Variants in DCDC1 observed in about 807,000 individuals in gnomAD.
DCDC1 encodes doublecortin domain containing 1, also known as doublecortin domain-containing protein 1.
In DCDC1, 200 loss-of-function variants were observed where a neutral mutation model predicts 178.3. That is an observed-to-expected ratio of 1.12 (90% CI 1.00 to 1.26). The LOEUF (loss-of-function observed/expected upper bound fraction) is 1.26. Among genes scored for constraint, DCDC1 ranks in the 50% most tolerant of loss-of-function variants. The probability of loss-of-function intolerance (pLI) is 0.00; values close to 1 mark genes in which losing one functional copy is unlikely to be tolerated. For synonymous variants in DCDC1, 690 were observed against 604.8 expected (o/e 1.14, Z -2.07); for missense variants, 1,983 against 1,749.2 (o/e 1.13, Z -2.38).
intron 20 of DCDC1, among the ~76,000 whole-genome samples, chr11:31,037,567 G>A (rs1284235018): frequency 6.6e-6 from 1 of 151,836 alleles, no homozygotes; most frequent in Admixed American, 6.6e-5. Context: ...CAGTAGCTGG[G>A]ACTACAGGTG....
At chr11:30,921,404 G>A (rs1344597405) in intron 24 of DCDC1, among the ~76,000 whole-genome samples, 4 of 151,910 alleles carry the variant, frequency 2.6e-5, no homozygotes, top group Non-Finnish European at 5.9e-5. Flanking sequence ...CTGGTTCCTG[G>A]AGAAAACTTA....
At chr11:31,225,025 A>C (rs1395148266) in intron 9 of DCDC1, among the ~76,000 whole-genome samples, 1 of 152,076 alleles carries the variant, frequency 6.6e-6, no homozygotes, top group Non-Finnish European at 1.5e-5. Flanking sequence ...ACCAAAAAGG[A>C]AAAGAAGTCA....
chr11:31,143,657 G>A lies in DCDC1; in HGVS notation c.1222-5873C>T, dbSNP rs528109139. Among the ~76,000 whole-genome samples the A allele has an allele frequency of 5.3e-5, 8 of 152,290 alleles. No individual in the cohort carries two copies. In the South Asian group the frequency reaches 1.7e-3, roughly 32 times the overall value. Reference sequence around the variant, plus strand: ...CCTCAAGCTATACATGCTTAACTCAGTAGCAATCTTAGAGATGCCTTAACT... The same window carrying A: ...CCTCAAGCTATACATGCTTAACTCAATAGCAATCTTAGAGATGCCTTAACT... On this transcript the variant is annotated intron_variant, in intron 9 of 38. Transcript: ENST00000684477.
intron 11 of DCDC1, among the ~76,000 whole-genome samples, chr11:31,121,699 T>G (rs1203135285): frequency 1.3e-5 from 2 of 151,832 alleles, no homozygotes; most frequent in Admixed American, 1.3e-4. Context: ...AGACCACTGC[T>G]CTACAAGATG....
At chr11:30,970,247 T>C (rs915058855) in intron 20 of DCDC1, among the ~76,000 whole-genome samples, 5 of 152,244 alleles carry the variant, frequency 3.3e-5, no homozygotes, top group East Asian at 1.9e-4. Context: ...CACAACAGCA[T>C]TGCTTCAGAG....
At chr11:30,970,738 G>C (rs1022046412) in intron 20 of DCDC1, among the ~76,000 whole-genome samples, 3 of 152,204 alleles carry the variant, frequency 2.0e-5, no homozygotes, top group African/African-American at 4.8e-5. Flanking sequence ...CCCAGTAGCA[G>C]GGCCACAGCA....
At chr11:31,243,684 C>A (rs1225476687) in intron 8 of DCDC1, among the ~76,000 whole-genome samples, 1 of 151,660 alleles carries the variant, frequency 6.6e-6, no homozygotes, top group Non-Finnish European at 1.5e-5. Flanking sequence ...TAAAATTATA[C>A]CACAGCATAA....
At chr11:31,367,917 G>C (rs1297538542) in intron 1 of DCDC1, among the ~76,000 whole-genome samples, 1 of 152,050 alleles carries the variant, frequency 6.6e-6, no homozygotes, top group Non-Finnish European at 1.5e-5. Flanking sequence ...GTAAGCCAAT[G>C]GCAAGTAAAG....
rs1415748702 is a variant in DCDC1, at chr11:31,357,355, G to C, written c.-125+12342C>G. Reference sequence around the variant, plus strand: ...CAAAAACCACATGATTATCTCAATAGATGCAGAAAAGGCCTTTGACAAAAT... The same window carrying C: ...CAAAAACCACATGATTATCTCAATACATGCAGAAAAGGCCTTTGACAAAAT... On this transcript the variant is annotated intron_variant, in intron 1 of 38. Transcript: ENST00000684477. Among the ~76,000 whole-genome samples, 96 of 143,536 alleles carry C rather than the reference G, an allele frequency of 6.7e-4. 1 individual carries two copies. Among genetic ancestry groups the C allele is most frequent in the African/African-American group, 2.4e-3 (89 of 37,802 alleles). 94.2% of individuals were successfully genotyped at this position (143,536 alleles called of 152,430 possible).
intron 9 of DCDC1, among the ~76,000 whole-genome samples, chr11:31,175,143 C>T (rs1283177440): frequency 6.6e-6 from 1 of 152,206 alleles, no homozygotes; most frequent in Non-Finnish European, 1.5e-5. Context: ...TGGTGTCTGG[C>T]ATCTCCGAGC....
rs578072386 is a variant in DCDC1, at chr11:31,078,170, A to G, written c.2238-245T>C. On this transcript the variant is annotated intron_variant, in intron 17 of 38. Coordinates refer to ENST00000684477, the MANE Select transcript of DCDC1 (RefSeq NM_001387274.1). ...GTGCATATGTGTGTTACCAGTAGCA[A>G]CAGTGATCAAAAGTTTTAGAGAACA... 3.3e-5 allele frequency among the ~76,000 whole-genome samples: 5 copies of G among 152,356 alleles called. No homozygotes were observed. In the South Asian group the frequency reaches 1.0e-3, roughly 32 times the overall value.
chr11:31,053,866 T>C (rs191453498), intron 20 of DCDC1, among the ~76,000 whole-genome samples: 1 of 152,262 alleles, frequency 6.6e-6, no homozygotes, highest in East Asian at 1.9e-4. Flanking sequence ...GCCGACATAA[T>C]ACCGAATGGG....
intron 28 of DCDC1, among the ~76,000 whole-genome samples, chr11:30,910,732 A>G (rs1053927813): frequency 1.3e-5 from 2 of 152,196 alleles, no homozygotes; most frequent in African/African-American, 4.8e-5. Context: ...TGAAAAAAAA[A>G]AGATCTTCCC....
rs145328143 is a variant in DCDC1 at position 31,063,815 on chromosome 11, T to C, written c.2591+654A>G. ...TATGGCTCCTTTAAGAGTATTTCAG[T>C]CAACAGTAATTTCAAACAGTTTTAG... On this transcript the variant is annotated intron_variant, in intron 20 of 38. Transcript: ENST00000684477. Among the ~76,000 whole-genome samples the C allele has an allele frequency of 1.1e-3, 165 of 152,302 alleles. 1 individual carries two copies. The highest frequency in any genetic ancestry group is 3.8e-3 in the African/African-American group (156 of 41,578).
intron 20 of DCDC1, among the ~76,000 whole-genome samples, chr11:30,953,801 C>T (rs936950478): frequency 2.0e-5 from 3 of 152,008 alleles, no homozygotes; most frequent in Non-Finnish European, 4.4e-5. Flanking sequence ...CACAGCAGCA[C>T]TATTAATAGT....
chr11:31,292,725 C>G (rs998138610), intron 6 of DCDC1, among the ~76,000 whole-genome samples: 1 of 151,904 alleles, frequency 6.6e-6, no homozygotes, highest in Non-Finnish European at 1.5e-5. Flanking sequence ...GTACTAAATG[C>G]TACTAAATTG....
chr11:31,277,473 C>T (rs1353008021), intron 7 of DCDC1, among the ~76,000 whole-genome samples: 1 of 152,100 alleles, frequency 6.6e-6, no homozygotes, highest in East Asian at 1.9e-4. Flanking sequence ...TAAGTGTAAG[C>T]TTAACTTTAT....
chr11:31,082,866 C>A (rs1957270201), intron 17 of DCDC1, among the ~76,000 whole-genome samples: 1 of 152,102 alleles, frequency 6.6e-6, no homozygotes, highest in South Asian at 2.1e-4. Flanking sequence ...AAGTAGAATG[C>A]ACGTAGAGGA....
Position 30,899,580 on chromosome 11 carries a change from C to A in DCDC1, c.4726G>T (p.Asp1576Tyr). The A allele has an allele frequency of 1.3e-6, 2 of 1,586,198 alleles. No individual in the cohort carries two copies. Among genetic ancestry groups the A allele is most frequent in the South Asian group, 1.2e-5 (1 of 85,118 alleles). ...NWLKKDRILADLDTMRHKMRQ... is the reference protein window; with the variant it reads ...NWLKKDRILAYLDTMRHKMRQ... ...ATTTTGTGTCTCATGGTATCTAGAT[C>A]AGCCAAAATTCTGTCCTTTTTTAGC... The change falls in exon 34 of 39, where the codon GAT becomes TAT. Residue 1576 changes from aspartate (D) to tyrosine (Y), a missense_variant. Asp to Tyr is a radical substitution (Grantham distance 160, BLOSUM62 -3). Transcript: ENST00000684477.
Sources: gnomAD v4.1 joint callset for allele counts (sites outside exome capture counted in the v4.1 genomes callset) on GRCh38, gnomAD v4.1.1 for gene constraint, MANE v1.5 for transcripts, NCBI Gene and HGNC (gene_info 2026-07-23, HGNC 2026-07-21) for gene names.